The following CENPT variants were observed in gnomAD, a reference collection of about 807,000 sequenced individuals.
CENPT encodes the protein centromere protein T, also known as interphase centromere complex protein 22.
A neutral mutation model predicts 59.7 loss-of-function variants in CENPT; 42 were observed. That is an observed-to-expected ratio of 0.70 (90% CI 0.55 to 0.91). The LOEUF (loss-of-function observed/expected upper bound fraction) is 0.91. CENPT is among the 40% of genes least tolerant of loss of function. CENPT has a pLI of 0.00. For synonymous variants in CENPT, 295 were observed against 289.6 expected (o/e 1.02, Z -0.19); for missense variants, 716 against 713.4 (o/e 1.00, Z -0.04).
At chr16:67,831,391 G>C in intron 9 of CENPT, 33 bp from the exon 10 acceptor site, 1 of 1,605,706 alleles carries the variant, frequency 6.2e-7, no homozygotes, top group South Asian at 1.1e-5. Flanking sequence ...AGGAAAGTCA[G>C]GTACCTGAGA....
At position 67,832,218 on chromosome 16, in the gene CENPT, G is replaced by A. The variant is rs758592509; in HGVS notation, c.289+10C>T. On this transcript the variant is annotated intron_variant, in intron 6 of 15. Transcript: ENST00000562787. ...ACCTAACTCTGACCGGCAGGCCAGC[G>A]CTCACTTACCAGTTAGTAGGATGTT... The A allele has an allele frequency of 5.0e-6, 8 of 1,613,730 alleles. No homozygotes were observed. The highest frequency in any genetic ancestry group is 1.7e-5 in the Admixed American group (1 of 60,028).
chr16:67,832,335 C>A lies in CENPT; in HGVS notation c.202-20G>T, dbSNP rs1598143585. On this transcript the variant is annotated intron_variant, in intron 5 of 15. Coordinates refer to ENST00000562787, the MANE Select transcript of CENPT (RefSeq NM_025082.4). ...AACAGACTATCGGCAAAGCACCAAGCAACCAGTCTGTCCGTCTGCCTTGAG... is the reference window on the plus strand; with the variant it reads ...AACAGACTATCGGCAAAGCACCAAGAAACCAGTCTGTCCGTCTGCCTTGAG... 1.2e-6 allele frequency: 2 copies of A among 1,613,742 alleles called. No homozygotes were observed. The highest frequency in any genetic ancestry group is 2.7e-5 in the African/African-American group (2 of 75,036).
In CENPT at chr16:67,830,517, A is replaced by C; in HGVS notation, c.735T>G (p.Ser245=). The C allele has an allele frequency of 1.2e-6, 2 of 1,614,134 alleles. No individual in the cohort carries two copies. The highest frequency in any genetic ancestry group is 1.7e-6 in the Non-Finnish European group (2 of 1,180,022). ...CGTTGGGGGAGCCAACCATGGGCTG[A>C]GAGAACGGCTGGGTGTCCTCCAACA... ...NIVLEDTQPF[S]QPMVGSPNVY... The change falls in exon 11 of 16, where the codon TCT becomes TCG. Residue 245 remains serine, a synonymous_variant. Transcript: ENST00000562787.
chr16:67,845,808 C>G (rs929650388), intron 1 of CENPT, among the ~76,000 whole-genome samples: 3 of 152,216 alleles, frequency 2.0e-5, no homozygotes, highest in African/African-American at 7.2e-5. Context: ...TAATAAGCAT[C>G]TAGTCAGGCA....
rs1567374750 is a variant in CENPT at position 67,843,169 on chromosome 16, GGCC to G, written c.-492+4229_-492+4231del. The G allele has an allele frequency of 6.2e-7, 1 of 1,609,924 alleles. No individual in the cohort carries two copies. Among genetic ancestry groups the G allele is most frequent in the South Asian group, 1.1e-5 (1 of 91,060 alleles). On this transcript the variant is annotated intron_variant, in intron 1 of 15. Coordinates refer to ENST00000562787, the MANE Select transcript of CENPT (RefSeq NM_025082.4). This position sits in a 1 kb window ranked among gnomAD's most constrained non-coding sequence, Gnocchi z 5.7. ...CAGCCGCAGAGGGCGCAGCCGCTGCGGCCGCCGCGTCGGAGTTACAGGCTGCTA... is the reference window on the plus strand; with the variant it reads ...CAGCCGCAGAGGGCGCAGCCGCTGCGGCCGCGTCGGAGTTACAGGCTGCTA...
intron 12 of CENPT, 38 bp downstream of exon 12, chr16:67,829,727 C>A (rs1185380842): frequency 6.3e-7 from 1 of 1,595,360 alleles, no homozygotes; most frequent in Non-Finnish European, 8.6e-7. Flanking sequence ...GGCCTGAACA[C>A]AGCTGTCACC....
Position 67,834,006 on chromosome 16 carries a change from T to A in CENPT, c.-147A>T, listed in dbSNP as rs1017147087. The A allele has an allele frequency of 7.3e-6, 4 of 547,104 alleles. No individual in the cohort carries two copies. The highest frequency in any genetic ancestry group is 1.2e-5 in the Non-Finnish European group (4 of 327,544). 33.9% of individuals were successfully genotyped at this position (547,104 alleles called of 1,614,324 possible). A position where few individuals can be genotyped will look rare whatever the true frequency, so the allele number is the denominator to read the frequency against. ...CTATCGCAGCTCGCGGGGTGGACAG[T>A]GATGGTTGCAAACTCCGGATGCTTT... On this transcript the variant is annotated 5_prime_UTR_variant, in exon 4 of 16. Coordinates refer to ENST00000562787, the MANE Select transcript of CENPT (RefSeq NM_025082.4).
At chr16:67,832,883 C>A (rs1354038775) in intron 4 of CENPT, among the ~76,000 whole-genome samples, 1 of 152,152 alleles carries the variant, frequency 6.6e-6, no homozygotes, top group Non-Finnish European at 1.5e-5. Flanking sequence ...GCATCCACCC[C>A]AGACATGAAA....
intron 1 of CENPT, among the ~76,000 whole-genome samples, chr16:67,837,758 TTC>T (rs1185693690): frequency 3.9e-5 from 6 of 152,272 alleles, no homozygotes; most frequent in East Asian, 1.9e-4. Context: ...TACAGTAGTA[TTC>T]TGTTTGTTCA....
intron 10 of CENPT, 22 bp from the exon 11 acceptor site, chr16:67,830,570 G>A (rs1243401998): frequency 1.9e-6 from 3 of 1,610,812 alleles, no homozygotes; most frequent in Admixed American, 1.7e-5. Context: ...GTAGTAACAG[G>A]TTCTGAGGCT....
Position 67,832,538 on chromosome 16 carries a change from TC to T in CENPT, c.117del (p.Arg40GlufsTer12). ...RRPRSARAGA[R>X]RALLETASPR... The stretch of plus-strand genomic sequence containing the variant: ...GGGGAAGCCGTTTCAAGCAGGGCTC[TC>T]CGGGCTCTGTGTAAAGACCAGCAAT... On this transcript the variant is annotated frameshift_variant, in exon 5 of 16. Transcript: ENST00000562787. LOFTEE classifies it high-confidence loss of function. The T allele has an allele frequency of 6.2e-7, 1 of 1,613,956 alleles. No homozygotes were observed. Among genetic ancestry groups the T allele is most frequent in the Non-Finnish European group, 8.5e-7 (1 of 1,179,862 alleles).
chr16:67,832,180 G>C, intron 6 of CENPT, 48 bp downstream of exon 6: 1 of 1,607,852 alleles, frequency 6.2e-7, no homozygotes, highest in Non-Finnish European at 8.5e-7. Flanking sequence ...CACAAGACTG[G>C]GGTTGGACTG....
At chr16:67,834,405 C>T (rs1214466860) in intron 3 of CENPT, among the ~76,000 whole-genome samples, 7 of 152,208 alleles carry the variant, frequency 4.6e-5, no homozygotes, top group African/African-American at 1.7e-4. Context: ...CTCAGGAGTT[C>T]GAGAGCAGCC....
Position 67,842,447 on chromosome 16 carries a change from C to A in CENPT, c.-492+4954G>T. 2 of 874,218 alleles carry A rather than the reference C, an allele frequency of 2.3e-6. No homozygotes were observed. Among genetic ancestry groups the A allele is most frequent in the Non-Finnish European group, 3.0e-6 (2 of 666,620 alleles). The allele number at this position is 874,218 out of a possible 1,614,324, so 54.2% of individuals were successfully genotyped here. A position where few individuals can be genotyped will look rare whatever the true frequency, so the allele number is the denominator to read the frequency against. On this transcript the variant is annotated intron_variant, in intron 1 of 15. Coordinates refer to ENST00000562787, the MANE Select transcript of CENPT (RefSeq NM_025082.4). The surrounding 1 kb of genome is among the most constrained non-coding windows in gnomAD (Gnocchi z 4.9). Reference sequence around the variant, plus strand: ...CGAGCGGCAGTGGTGGGATACCACCCAAGGCCTCGCGCGGCGCCGCCCGTC... The same window carrying A: ...CGAGCGGCAGTGGTGGGATACCACCAAAGGCCTCGCGCGGCGCCGCCCGTC...
At chr16:67,836,338 G>A (rs2057734697) in intron 1 of CENPT, among the ~76,000 whole-genome samples, 2 of 152,110 alleles carry the variant, frequency 1.3e-5, no homozygotes, top group African/African-American at 4.8e-5. Flanking sequence ...GGGATTACAG[G>A]CGTGAGCCAC....
Position 67,830,567 on chromosome 16 carries a change from C to G in CENPT, c.704-19G>C. ...ACAATGTCTGTGGGCAGAGTAGTAACAGGTTCTGAGGCTGTCACCTGGAGA... is the reference window on the plus strand; with the variant it reads ...ACAATGTCTGTGGGCAGAGTAGTAAGAGGTTCTGAGGCTGTCACCTGGAGA... On this transcript the variant is annotated intron_variant, in intron 10 of 15. Coordinates refer to ENST00000562787, the MANE Select transcript of CENPT (RefSeq NM_025082.4). The G allele has an allele frequency of 6.2e-7, 1 of 1,612,718 alleles. No individual in the cohort carries two copies. The highest frequency in any genetic ancestry group is 8.5e-7 in the Non-Finnish European group (1 of 1,179,556).
chr16:67,834,048 C>T lies in CENPT; in HGVS notation c.-189G>A. ...GGATGCTTTGGAGGCAGCCTCGCTG[C>T]GGGTAAACCTCGGTTAATGTAATGC... is the stretch of plus-strand genomic sequence containing the variant. On this transcript the variant is annotated 5_prime_UTR_variant, in exon 4 of 16. Coordinates refer to ENST00000562787, the MANE Select transcript of CENPT (RefSeq NM_025082.4). The T allele has an allele frequency of 2.1e-6, 1 of 485,362 alleles. No individual in the cohort carries two copies. The allele number at this position is 485,362 out of a possible 1,614,324, so 30.1% of individuals were successfully genotyped here.
chr16:67,833,966 A>G lies in CENPT; in HGVS notation c.-107T>C. 2 of 709,632 alleles carry G rather than the reference A, an allele frequency of 2.8e-6. No homozygotes were observed. The highest frequency in any genetic ancestry group is 2.1e-6 in the Non-Finnish European group (1 of 471,072). 44.0% of individuals were successfully genotyped at this position (709,632 alleles called of 1,614,324 possible). A position where few individuals can be genotyped will look rare whatever the true frequency, so the allele number is the denominator to read the frequency against. On this transcript the variant is annotated 5_prime_UTR_variant, in exon 4 of 16. Transcript: ENST00000562787. ...GATGCTCCCGCACAGCCCCACGGGAATTGTAGTTCTCGCACTATCGCAGCT... is the reference window on the plus strand; with the variant it reads ...GATGCTCCCGCACAGCCCCACGGGAGTTGTAGTTCTCGCACTATCGCAGCT...
intron 3 of CENPT, 35 bp from the exon 4 acceptor site, chr16:67,834,135 G>A (rs928885968): frequency 5.3e-6 from 2 of 375,408 alleles, no homozygotes; most frequent in Non-Finnish European, 9.6e-6. Flanking sequence ...CTGATAAGGA[G>A]CTTGTAATGA....
Sources: allele counts gnomAD v4.1 joint callset (sites outside exome capture counted in the v4.1 genomes callset), GRCh38; gene constraint gnomAD v4.1.1; non-coding constraint Gnocchi (gnomAD v3.1); transcripts MANE v1.5; gene names NCBI Gene and HGNC (gene_info 2026-07-23, HGNC 2026-07-21).